The following YY1 variants were observed in gnomAD, a reference collection of about 807,000 sequenced individuals.
YY1 encodes the protein transcriptional repressor protein YY1.
Under a neutral mutation model 35.6 loss-of-function variants are expected in YY1, and 2 were observed. The ratio of observed to expected loss-of-function variants is 0.06; its 90% CI spans 0.02 to 0.18. The LOEUF (loss-of-function observed/expected upper bound fraction) is 0.18, where lower values mean the gene tolerates loss of function less well. Ranked by LOEUF, YY1 falls within the 10% of genes least tolerant of loss-of-function variation. The probability of loss-of-function intolerance (pLI) is 1.00; values close to 1 mark genes in which losing one functional copy is unlikely to be tolerated. For missense variants in YY1, 322 were observed against 573.4 expected (o/e 0.56, Z 4.48); for synonymous variants, 268 against 238.9 (o/e 1.12, Z -1.12).
Position 100,239,588 on chromosome 14 carries a change from G to GCGA in YY1, c.349_351dup (p.Asp117dup). The GCGA allele has an allele frequency of 1.2e-6, 2 of 1,612,578 alleles. No individual in the cohort carries two copies. Among genetic ancestry groups the GCGA allele is most frequent in the Middle Eastern group, 3.3e-4 (2 of 6,060 alleles). ...CAGACGCGCGAGGAGGTGGTGGGCG[G>GCGA]CGACGACTCGGACGGGCTGCGCGCC... On this transcript the variant is annotated inframe_insertion, in exon 1 of 5. Coordinates refer to ENST00000262238, the MANE Select transcript of YY1 (RefSeq NM_003403.5).
At chr14:100,265,622 T>C in intron 2 of YY1, among the ~76,000 whole-genome samples, 1 of 150,380 alleles carries the variant, frequency 6.6e-6, no homozygotes, top group South Asian at 2.1e-4. Context: ...CTGACTACTC[T>C]GAGCCCCAAA....
intron 2 of YY1, among the ~76,000 whole-genome samples, chr14:100,272,310 GAAAGA>G: frequency 7.0e-6 from 1 of 143,170 alleles, no homozygotes; most frequent in Non-Finnish European, 1.5e-5. Context: ...AAAAAAAAAA[GAAAGA>G]AAAGGAAAAG....
rs1324274486 is a variant in YY1 at position 100,280,120 on chromosome 14, T to C, written c.*2520T>C. On this transcript the variant is annotated 3_prime_UTR_variant, in exon 5 of 5. Transcript: ENST00000262238. ...TAACATAGCACTGACTTTGCAACAA[T>C]AGAAAACTAACAAATGAGCAACAAT... The C allele has an allele frequency of 6.6e-6, 1 of 152,224 alleles. No homozygotes were observed. Among genetic ancestry groups the C allele is most frequent in the Non-Finnish European group, 1.5e-5 (1 of 68,032 alleles). 9.4% of individuals were successfully genotyped at this position (152,224 alleles called of 1,614,324 possible). A position where few individuals can be genotyped will look rare whatever the true frequency, so the allele number is the denominator to read the frequency against.
intron 2 of YY1, among the ~76,000 whole-genome samples, chr14:100,270,456 CAAA>C (rs34083329): frequency 5.1e-5 from 5 of 98,086 alleles, no homozygotes; most frequent in East Asian, 3.0e-4. Flanking sequence ...ACTAAAAATA[CAAA>C]AAAAAAAAAA....
In YY1 at chr14:100,278,775, A is replaced by T. The variant is rs906618171; in HGVS notation, c.*1175A>T. On this transcript the variant is annotated 3_prime_UTR_variant, in exon 5 of 5. Coordinates refer to ENST00000262238, the MANE Select transcript of YY1 (RefSeq NM_003403.5). Reference sequence around the variant, plus strand: ...AGCCCCCGGCAAGTGTGAGTGAAGCATCTGTACCACCGCGCAGGCTGAGCG... The same window carrying T: ...AGCCCCCGGCAAGTGTGAGTGAAGCTTCTGTACCACCGCGCAGGCTGAGCG... 4 of 152,304 alleles carry T rather than the reference A, an allele frequency of 2.6e-5. No homozygotes were observed. Among genetic ancestry groups the T allele is most frequent in the African/African-American group, 9.6e-5 (4 of 41,472 alleles). 9.4% of individuals were successfully genotyped at this position (152,304 alleles called of 1,614,324 possible). A position where few individuals can be genotyped will look rare whatever the true frequency, so the allele number is the denominator to read the frequency against.
rs562178783 is a variant in YY1 at position 100,266,453 on chromosome 14, G to GT, written c.842+3988dup. 6.4e-4 allele frequency among the ~76,000 whole-genome samples: 97 copies of GT among 152,294 alleles called. 1 individual carries two copies. Among genetic ancestry groups the GT allele is most frequent in the Non-Finnish European group, 1.1e-3 (76 of 68,020 alleles). On this transcript the variant is annotated intron_variant, in intron 2 of 4. Transcript: ENST00000262238. ...GGGTGGTGAGCAGTAAAGCCATTAG[G>GT]TGTTGGTGACCCTTGGCACTGCTCA...
rs1356115602 is a variant in YY1 at position 100,239,229 on chromosome 14, G to A, written c.-16G>A. On this transcript the variant is annotated 5_prime_UTR_variant, in exon 1 of 5. Coordinates refer to ENST00000262238, the MANE Select transcript of YY1 (RefSeq NM_003403.5). ...GAGCCGAGGCCGCCGCGGCCGTGGC[G>A]GCGGAGCCCTCAGCCATGGCCTCGG... 2 of 1,479,940 alleles carry A rather than the reference G, an allele frequency of 1.4e-6. No homozygotes were observed. The highest frequency in any genetic ancestry group is 2.5e-5 in the Admixed American group (1 of 40,472). The allele number at this position is 1,479,940 out of a possible 1,614,324, so 91.7% of individuals were successfully genotyped here.
intron 1 of YY1, among the ~76,000 whole-genome samples, chr14:100,241,210 G>C (rs1307073120): frequency 6.6e-6 from 1 of 152,224 alleles, no homozygotes; most frequent in Non-Finnish European, 1.5e-5. Context: ...TCTAATGCCT[G>C]TGATGATTAC....
At chr14:100,260,969 T>C (rs1183784395) in intron 1 of YY1, among the ~76,000 whole-genome samples, 2 of 149,228 alleles carry the variant, frequency 1.3e-5, no homozygotes, top group African/African-American at 2.5e-5. Flanking sequence ...TAATTTTAAT[T>C]TTTTTGTGGA....
rs201492732 is a variant in YY1 at position 100,239,319 on chromosome 14, G to A, written c.75G>A (p.Glu25=). 215 of 1,604,576 alleles carry A rather than the reference G, an allele frequency of 1.3e-4. No homozygotes were observed. Among genetic ancestry groups the A allele is most frequent in the Non-Finnish European group, 1.8e-4 (214 of 1,176,258 alleles). Residue 25 remains glutamate, a synonymous_variant, in exon 1 of 5, where the codon GAG becomes GAA. Transcript: ENST00000262238. ...EMPAEIVELH[E]IEVETIPVET... ...CGGCCGAGATCGTGGAGCTGCACGA[G>A]ATCGAGGTGGAGACCATCCCGGTGG...
At chr14:100,260,425 AT>A (rs1891065233) in intron 1 of YY1, among the ~76,000 whole-genome samples, 2 of 41,428 alleles carry the variant, frequency 4.8e-5, no homozygotes, top group Non-Finnish European at 4.2e-5. Flanking sequence ...GAATATATGA[AT>A]ATATATATAT....
intron 2 of YY1, among the ~76,000 whole-genome samples, chr14:100,270,135 C>T (rs1312990796): frequency 2.0e-5 from 3 of 151,066 alleles, no homozygotes; most frequent in Admixed American, 6.6e-5. Context: ...TGGTGGCAGG[C>T]GCCTGTAGTC....
At chr14:100,274,826 T>C in intron 3 of YY1, 68 bp downstream of exon 3, 3 of 1,465,410 alleles carry the variant, frequency 2.0e-6, no homozygotes, top group Non-Finnish European at 2.9e-6. Context: ...ATAAGAAATT[T>C]GCACTTTTGT....
intron 2 of YY1, among the ~76,000 whole-genome samples, chr14:100,269,650 A>G (rs1891205293): frequency 6.6e-6 from 1 of 152,182 alleles, no homozygotes; most frequent in African/African-American, 2.4e-5. Context: ...CATTCAAATA[A>G]AATCTTAAAA....
At chr14:100,265,155 A>G (rs1411429098) in intron 2 of YY1, among the ~76,000 whole-genome samples, 1 of 152,182 alleles carries the variant, frequency 6.6e-6, no homozygotes, top group Non-Finnish European at 1.5e-5. Context: ...AGGTGGGTGG[A>G]TCGCCTGAGG....
Position 100,239,232 on chromosome 14 carries a change from G to T in YY1, c.-13G>T, listed in dbSNP as rs1322974458. On this transcript the variant is annotated 5_prime_UTR_variant, in exon 1 of 5. Transcript: ENST00000262238. Reference sequence around the variant, plus strand: ...CCGAGGCCGCCGCGGCCGTGGCGGCGGAGCCCTCAGCCATGGCCTCGGGCG... The same window carrying T: ...CCGAGGCCGCCGCGGCCGTGGCGGCTGAGCCCTCAGCCATGGCCTCGGGCG... 6.7e-7 allele frequency: 1 copy of T among 1,489,876 alleles called. No homozygotes were observed. Among genetic ancestry groups the T allele is most frequent in the Non-Finnish European group, 8.9e-7 (1 of 1,123,810 alleles). 92.3% of individuals were successfully genotyped at this position (1,489,876 alleles called of 1,614,324 possible). A position where few individuals can be genotyped will look rare whatever the true frequency, so the allele number is the denominator to read the frequency against.
intron 1 of YY1, among the ~76,000 whole-genome samples, chr14:100,253,092 A>G (rs549116482): frequency 1.3e-5 from 2 of 152,214 alleles, no homozygotes; most frequent in African/African-American, 2.4e-5. Flanking sequence ...GGGGTTAACT[A>G]TGTCCTGTGA....
At chr14:100,263,438 T>A (rs185513885) in intron 2 of YY1, among the ~76,000 whole-genome samples, 53 of 152,326 alleles carry the variant, frequency 3.5e-4, no homozygotes, top group African/African-American at 1.2e-3. Flanking sequence ...ACCCATTGGT[T>A]GGGTGTGTTT....
intron 1 of YY1, among the ~76,000 whole-genome samples, chr14:100,247,933 C>A (rs1890857387): frequency 6.6e-6 from 1 of 151,936 alleles, no homozygotes; most frequent in African/African-American, 2.4e-5. Context: ...ACAAACAGAA[C>A]AATATACTCA....
Sources: gnomAD v4.1 joint callset for allele counts (sites outside exome capture counted in the v4.1 genomes callset) on GRCh38, gnomAD v4.1.1 for gene constraint, MANE v1.5 for transcripts, NCBI Gene and HGNC (gene_info 2026-07-23, HGNC 2026-07-21) for gene names.